Variants in PCOLCE observed in about 807,000 individuals in gnomAD.
The protein encoded by PCOLCE is procollagen C-endopeptidase enhancer.
A neutral mutation model predicts 47.2 loss-of-function variants in PCOLCE; 33 were observed. The observed-to-expected ratio is 0.70, with a 90% CI of 0.53 to 0.93. PCOLCE has a LOEUF of 0.93. Among genes scored for constraint, PCOLCE ranks in the 40% least tolerant of loss-of-function variants. The pLI is 0.00. For missense variants in PCOLCE, 584 were observed against 585.3 expected (o/e 1.00, Z 0.02); for synonymous variants, 254 against 252.5 (o/e 1.01, Z -0.06).
Position 100,604,463 on chromosome 7 carries a change from G to C in PCOLCE, c.463+246G>C. Reference sequence around the variant, plus strand: ...AGGCGCGAGGCGGAAATGGGTCACCGACCCGCGGGTGGAATGGGCGGCCTG... The same window carrying C: ...AGGCGCGAGGCGGAAATGGGTCACCCACCCGCGGGTGGAATGGGCGGCCTG... On this transcript the variant is annotated intron_variant, in intron 3 of 8. Transcript: ENST00000223061. This position sits in a 1 kb window ranked among gnomAD's most constrained non-coding sequence, Gnocchi z 6.4. 1 of 606,086 alleles carries C rather than the reference G, an allele frequency of 1.6e-6. No homozygotes were observed. The highest frequency in any genetic ancestry group is 2.9e-6 in the Non-Finnish European group (1 of 339,418). 37.5% of individuals were successfully genotyped at this position (606,086 alleles called of 1,614,324 possible). A position where few individuals can be genotyped will look rare whatever the true frequency, so the allele number is the denominator to read the frequency against.
chr7:100,606,965 C>G (rs1298312476), intron 6 of PCOLCE, among the ~76,000 whole-genome samples: 1 of 152,014 alleles, frequency 6.6e-6, no homozygotes, highest in East Asian at 1.9e-4. Context: ...GTGGTACACA[C>G]CTGTAATCCC....
intron 7 of PCOLCE, 38 bp downstream of exon 7, chr7:100,607,561 C>T (rs1584442544): frequency 6.2e-7 from 1 of 1,610,400 alleles, no homozygotes; most frequent in Admixed American, 1.7e-5. Context: ...CTCCTCGAAC[C>T]ACCTCCTGCT....
At chr7:100,606,685 A>G (rs1802723992) in intron 6 of PCOLCE, 55 bp downstream of exon 6, 1 of 1,396,734 alleles carries the variant, frequency 7.2e-7, no homozygotes, top group Non-Finnish European at 9.8e-7. Context: ...CCATTTCAAA[A>G]AGTTCTGACC....
chr7:100,607,667 G>T lies in PCOLCE; in HGVS notation c.1043G>T (p.Arg348Leu), dbSNP rs771099809. 1 of 1,613,950 alleles carries T rather than the reference G, an allele frequency of 6.2e-7. No homozygotes were observed. The highest frequency in any genetic ancestry group is 1.3e-5 in the African/African-American group (1 of 74,882). ...ACTGCGACAGTGAAGTCCATGGTTC[G>T]GGAGCCAGGGGAGGGCCTTGCCGTG... The part of the protein sequence containing the change: ...VVTATVKSMV[R>L]EPGEGLAVTV... The change falls in exon 8 of 9, where the codon CGG (arginine) becomes CTG (leucine). Residue 348 changes from arginine to leucine, a missense_variant. By Grantham distance (102) the Arg-to-Leu change is moderately radical. Transcript: ENST00000223061.
Position 100,606,415 on chromosome 7 carries a change from G to A in PCOLCE, c.726-1G>A. ...CCCCAATGCTCGGTGGCCACCTGCA[G>A]CTCCATCTCCTCCGAAGGGAATGAA... is the stretch of plus-strand genomic sequence containing the variant. On this transcript the variant is annotated splice_acceptor_variant, in intron 5 of 8. Coordinates refer to ENST00000223061, the MANE Select transcript of PCOLCE (RefSeq NM_002593.4). LOFTEE classifies it high-confidence loss of function. The A allele has an allele frequency of 6.2e-7, 1 of 1,612,672 alleles. No homozygotes were observed. Among genetic ancestry groups the A allele is most frequent in the South Asian group, 1.1e-5 (1 of 91,018 alleles).
At position 100,604,346 on chromosome 7, in the gene PCOLCE, C is replaced by T; in HGVS notation, c.463+129C>T. 3.9e-6 allele frequency: 3 copies of T among 763,524 alleles called. No homozygotes were observed. Among genetic ancestry groups the T allele is most frequent in the Non-Finnish European group, 6.3e-6 (3 of 475,776 alleles). The allele number at this position is 763,524 out of a possible 1,614,324, so 47.3% of individuals were successfully genotyped here. A position where few individuals can be genotyped will look rare whatever the true frequency, so the allele number is the denominator to read the frequency against. ...CCTAGGGCCCCCTACCTCCCTGACCCATTTTCCTCACTAACCGCCCCTTCA... is the reference window on the plus strand; with the variant it reads ...CCTAGGGCCCCCTACCTCCCTGACCTATTTTCCTCACTAACCGCCCCTTCA... On this transcript the variant is annotated intron_variant, in intron 3 of 8. Transcript: ENST00000223061. This position sits in a 1 kb window ranked among gnomAD's most constrained non-coding sequence, Gnocchi z 6.4.
rs1331475804 is a variant in PCOLCE, at chr7:100,605,867, C to G, written c.725+55C>G. The G allele has an allele frequency of 6.5e-7, 1 of 1,527,496 alleles. No homozygotes were observed. The highest frequency in any genetic ancestry group is 8.8e-7 in the Non-Finnish European group (1 of 1,130,410). 94.6% of individuals were successfully genotyped at this position (1,527,496 alleles called of 1,614,324 possible). A position where few individuals can be genotyped will look rare whatever the true frequency, so the allele number is the denominator to read the frequency against. ...AGAGAGTCGGCGGACCGCACGCACG[C>G]GGCTGTTTGGAGGGGCGGGGTTCAG... On this transcript the variant is annotated intron_variant, in intron 5 of 8. Coordinates refer to ENST00000223061, the MANE Select transcript of PCOLCE (RefSeq NM_002593.4). The surrounding 1 kb of genome is among the most constrained non-coding windows in gnomAD (Gnocchi z 6.1).
In PCOLCE at chr7:100,603,537, C is replaced by T. The variant is rs756707728; in HGVS notation, c.203C>T (p.Thr68Met). Residue 68 changes from threonine (T) to methionine (M), a missense_variant and splice_region_variant, in exon 2 of 9, where the codon ACG (threonine) becomes ATG (methionine). Coordinates refer to ENST00000223061, the MANE Select transcript of PCOLCE (RefSeq NM_002593.4). ...AATAAGGAGTGCATCTGGACCATAA[C>T]GGTGAGAAACCCCTCTGGGCACTAC... ...PPNKECIWTI[T>M]VPEGQTVSLS... 1.3e-6 allele frequency: 2 copies of T among 1,526,890 alleles called. No homozygotes were observed. The highest frequency in any genetic ancestry group is 1.4e-5 in the African/African-American group (1 of 72,316). The allele number at this position is 1,526,890 out of a possible 1,614,324, so 94.6% of individuals were successfully genotyped here.
intron 2 of PCOLCE, 69 bp from the exon 3 acceptor site, chr7:100,603,890 G>A: frequency 6.5e-7 from 1 of 1,547,758 alleles, no homozygotes; most frequent in East Asian, 2.2e-5. Flanking sequence ...TTGGGGCAGG[G>A]GAGCTGCCCT....
chr7:100,607,205 T>C (rs1802732383), intron 6 of PCOLCE, among the ~76,000 whole-genome samples: 1 of 151,984 alleles, frequency 6.6e-6, no homozygotes, highest in Admixed American at 6.6e-5. Context: ...ACTGTGCCGC[T>C]ACACTCCAGC....
chr7:100,603,044 TC>T (rs1243574806), intron 1 of PCOLCE: 2 of 222,918 alleles, frequency 9.0e-6, no homozygotes, highest in South Asian at 8.4e-5. Flanking sequence ...CTCCACCCCC[TC>T]CCCCCCACCG....
In PCOLCE at chr7:100,605,217, T is replaced by A; in HGVS notation, c.588+2T>A. ...CACATCATCGCGCCCCCGGACCAGG[T>A]ACCGACCCTCCTCCCCGGGCTGCCC... On this transcript the variant is annotated splice_donor_variant, in intron 4 of 8. Coordinates refer to ENST00000223061, the MANE Select transcript of PCOLCE (RefSeq NM_002593.4). LOFTEE classifies it high-confidence loss of function. This position sits in a 1 kb window ranked among gnomAD's most constrained non-coding sequence, Gnocchi z 6.1. 1 of 1,610,406 alleles carries A rather than the reference T, an allele frequency of 6.2e-7. No homozygotes were observed. The highest frequency in any genetic ancestry group is 8.5e-7 in the Non-Finnish European group (1 of 1,178,044).
chr7:100,603,107 A>C, intron 1 of PCOLCE: 1 of 280,002 alleles, frequency 3.6e-6, no homozygotes, highest in South Asian at 7.3e-5. Context: ...CTGTCCCTGG[A>C]CTGCCAGGCA....
intron 5 of PCOLCE, chr7:100,606,167 A>C (rs1277285182): frequency 1.8e-6 from 1 of 542,328 alleles, no homozygotes; most frequent in African/African-American, 1.9e-5. Context: ...TGTCTGTACC[A>C]AAAATACAAA....
In PCOLCE at chr7:100,606,584, C is replaced by T; in HGVS notation, c.894C>T (p.Pro298=). The T allele has an allele frequency of 6.2e-7, 1 of 1,613,844 alleles. No homozygotes were observed. Among genetic ancestry groups the T allele is most frequent in the Non-Finnish European group, 8.5e-7 (1 of 1,179,728 alleles). Residue 298 remains proline, a synonymous_variant, in exon 6 of 9, where the codon CCC becomes CCT. Coordinates refer to ENST00000223061, the MANE Select transcript of PCOLCE (RefSeq NM_002593.4). ...CTGAGCCTAAAGTCAAGCTGCCCCC[C>T]AAGTCCCAACCTCCGGAGAAAACAG... The part of the protein sequence containing the change: ...RGTEPKVKLP[P]KSQPPEKTEE...
At position 100,605,445 on chromosome 7, in the gene PCOLCE, G is replaced by A. The variant is rs749999035; in HGVS notation, c.588+230G>A. ...GGGTCCTGGTATAACACGCGGGCCT[G>A]TCACTTGTGAGTGCGCCAGGACTTG... On this transcript the variant is annotated intron_variant, in intron 4 of 8. Coordinates refer to ENST00000223061, the MANE Select transcript of PCOLCE (RefSeq NM_002593.4). The surrounding 1 kb of genome is among the most constrained non-coding windows in gnomAD (Gnocchi z 6.1). The A allele has an allele frequency of 1.3e-4, 84 of 654,584 alleles. No homozygotes were observed. The highest frequency in any genetic ancestry group is 2.0e-4 in the Non-Finnish European group (78 of 386,304). 40.5% of individuals were successfully genotyped at this position (654,584 alleles called of 1,614,324 possible). A position where few individuals can be genotyped will look rare whatever the true frequency, so the allele number is the denominator to read the frequency against.
chr7:100,604,327 G>A lies in PCOLCE; in HGVS notation c.463+110G>A, dbSNP rs1802672606. 2.0e-6 allele frequency: 2 copies of A among 979,160 alleles called. No homozygotes were observed. Among genetic ancestry groups the A allele is most frequent in the African/African-American group, 3.3e-5 (2 of 61,496 alleles). 60.7% of individuals were successfully genotyped at this position (979,160 alleles called of 1,614,324 possible). A position where few individuals can be genotyped will look rare whatever the true frequency, so the allele number is the denominator to read the frequency against. On this transcript the variant is annotated intron_variant, in intron 3 of 8. Coordinates refer to ENST00000223061, the MANE Select transcript of PCOLCE (RefSeq NM_002593.4). This position sits in a 1 kb window ranked among gnomAD's most constrained non-coding sequence, Gnocchi z 6.4. ...CCCACCCCGCGCCCCAGTGCCTAGG[G>A]CCCCCTACCTCCCTGACCCATTTTC... is the stretch of plus-strand genomic sequence containing the variant.
rs1241976722 is a variant in PCOLCE at position 100,607,985 on chromosome 7, T to A, written c.1232T>A (p.Val411Asp). ...MGQVEENRGPVLPPESFVVLH... is the reference protein window; with the variant it reads ...MGQVEENRGPDLPPESFVVLH... ...CAGGTAGAAGAGAACAGAGGCCCCG[T>A]CCTTCCTCCAGAGAGCTTTGTGGTT... The change falls in exon 9 of 9, where the codon GTC (valine) becomes GAC (aspartate). Residue 411 changes from valine (V) to aspartate (D), a missense_variant. Physicochemically the swap from Val to Asp is radical, Grantham distance 152. Coordinates refer to ENST00000223061, the MANE Select transcript of PCOLCE (RefSeq NM_002593.4). The A allele has an allele frequency of 6.2e-7, 1 of 1,614,140 alleles. No individual in the cohort carries two copies. Among genetic ancestry groups the A allele is most frequent in the Non-Finnish European group, 8.5e-7 (1 of 1,180,006 alleles).
At chr7:100,603,611 C>T (rs531053841) in intron 2 of PCOLCE, 73 bp downstream of exon 2, 2 of 629,882 alleles carry the variant, frequency 3.2e-6, no homozygotes, top group Non-Finnish European at 2.8e-6. Flanking sequence ...GAAGGGACCC[C>T]CCCCCCGTCC....
Sources: gnomAD v4.1 joint callset for allele counts (sites outside exome capture counted in the v4.1 genomes callset) on GRCh38, gnomAD v4.1.1 for gene constraint, Gnocchi (gnomAD v3.1) non-coding constraint, MANE v1.5 for transcripts, NCBI Gene and HGNC (gene_info 2026-07-23, HGNC 2026-07-21) for gene names.